The following DYNC1LI2 variants were observed in gnomAD, a reference collection of about 807,000 sequenced individuals.
DYNC1LI2 encodes cytoplasmic dynein 1 light intermediate chain 2.
In DYNC1LI2, 19 loss-of-function variants were observed where a neutral mutation model predicts 57.8. That is an observed-to-expected ratio of 0.33 (90% confidence interval 0.23 to 0.48). The LOEUF is 0.48. Ranked by LOEUF, DYNC1LI2 falls within the 20% of genes least tolerant of loss-of-function variation. The probability of loss-of-function intolerance (pLI) is 0.99; values close to 1 mark genes in which losing one functional copy is unlikely to be tolerated. For missense variants in DYNC1LI2, 470 were observed against 604.2 expected, an observed-to-expected ratio of 0.78 and a Z score of 2.33; for synonymous variants, 256 against 233.4, an observed-to-expected ratio of 1.10 and a Z score of -0.88.
intron 3 of DYNC1LI2, among the ~76,000 whole-genome samples, chr16:66,743,132 A>G (rs1349085672): frequency 1.3e-5 from 2 of 152,152 alleles, no homozygotes; most frequent in East Asian, 3.8e-4. Context: ...AATGCACTCC[A>G]GCCTGGGCAA....
chr16:66,732,503 T>C, intron 6 of DYNC1LI2, 29 bp from the exon 7 acceptor site: 1 of 1,601,384 alleles, frequency 6.2e-7, no homozygotes, highest in Non-Finnish European at 8.5e-7. Context: ...AAAAATCAAT[T>C]CACTGCAGGA....
intron 11 of DYNC1LI2, among the ~76,000 whole-genome samples, chr16:66,727,224 A>G (rs1342201509): frequency 6.6e-6 from 1 of 152,120 alleles, no homozygotes; most frequent in Non-Finnish European, 1.5e-5. Flanking sequence ...GGCCTACAAT[A>G]AAAATTTTAA....
At chr16:66,737,978 T>C (rs371984888) in intron 4 of DYNC1LI2, among the ~76,000 whole-genome samples, 13 of 152,226 alleles carry the variant, frequency 8.5e-5, no homozygotes, top group Middle Eastern at 3.4e-3. Context: ...CAAAGGCCTT[T>C]TACTCTCACC....
At position 66,735,097 on chromosome 16, in the gene DYNC1LI2, TTTG is replaced by T. The variant is rs1467840505; in HGVS notation, c.700-789_700-787del. 8.8e-3 allele frequency among the ~76,000 whole-genome samples: 976 copies of T among 111,114 alleles called. 9 individuals carry two copies. Among genetic ancestry groups the T allele is most frequent in the African/African-American group, 0.033 (849 of 25,674 alleles). The allele number at this position is 111,114 out of a possible 152,430, so 72.9% of individuals were successfully genotyped here. On this transcript the variant is annotated intron_variant, in intron 5 of 12. Transcript: ENST00000258198. ...TCTATTTCTCTATGACTGAACTTTG[TTTG>T]TTTTTTTTTTCTTTTTTTTTTGAGA...
At chr16:66,726,058 T>C (rs1272974862) in intron 11 of DYNC1LI2, 114 bp from the exon 12 acceptor site, 9 of 1,063,924 alleles carry the variant, frequency 8.5e-6, no homozygotes, top group Non-Finnish European at 1.1e-5. Context: ...TCCTAGGATA[T>C]TGATAACATT....
At chr16:66,750,115 GACCTGTCAGCCTGACTTCAGT>G (rs1655259797) in intron 2 of DYNC1LI2, among the ~76,000 whole-genome samples, 2 of 152,170 alleles carry the variant, frequency 1.3e-5, no homozygotes, top group African/African-American at 4.8e-5. Context: ...CCAAGGTGAG[GACCTGTCAGCCTGACTTCAGT>G]ACCTGCTCAT....
intron 4 of DYNC1LI2, chr16:66,738,308 G>A (rs1230045443): frequency 2.9e-5 from 4 of 137,938 alleles, no homozygotes; most frequent in Non-Finnish European, 6.0e-5. Flanking sequence ...GAGTGCAGTG[G>A]CACAATCTCG....
At chr16:66,739,986 G>A (rs1011460597) in intron 4 of DYNC1LI2, among the ~76,000 whole-genome samples, 2 of 152,168 alleles carry the variant, frequency 1.3e-5, no homozygotes, top group African/African-American at 4.8e-5. Flanking sequence ...CATCTTCACT[G>A]CTGCTGCTGC....
intron 2 of DYNC1LI2, among the ~76,000 whole-genome samples, chr16:66,749,640 GGTTA>G (rs1302825536): frequency 6.6e-6 from 1 of 152,064 alleles, no homozygotes; most frequent in Non-Finnish European, 1.5e-5. Flanking sequence ...TAAAAGGTAG[GGTTA>G]GTTTCTCACA....
chr16:66,725,318 A>G (rs1196261416), intron 12 of DYNC1LI2, among the ~76,000 whole-genome samples: 2 of 151,810 alleles, frequency 1.3e-5, no homozygotes, highest in Non-Finnish European at 2.9e-5. Context: ...CATCTCTACT[A>G]AAAATACAAA....
At chr16:66,749,166 C>G in intron 3 of DYNC1LI2, 31 bp downstream of exon 3, 2 of 1,608,756 alleles carry the variant, frequency 1.2e-6, no homozygotes, top group Non-Finnish European at 1.7e-6. Context: ...CTGCATACAC[C>G]CCCTTACCAT....
chr16:66,726,363 G>T (rs953149582), intron 11 of DYNC1LI2, among the ~76,000 whole-genome samples: 2 of 152,194 alleles, frequency 1.3e-5, no homozygotes, highest in African/African-American at 4.8e-5. Context: ...TAAGTTACTG[G>T]GATAAAAGCT....
Position 66,728,943 on chromosome 16 carries a change from T to C in DYNC1LI2, c.1101+97A>G. ...CAACCCCTCTACCACTGCAAGCTCT[T>C]TGTGACTTCCCACATGCAGACACCC... On this transcript the variant is annotated intron_variant, in intron 9 of 12. Coordinates refer to ENST00000258198, the MANE Select transcript of DYNC1LI2 (RefSeq NM_006141.3). 2.4e-6 allele frequency: 3 copies of C among 1,275,394 alleles called. No individual in the cohort carries two copies. The South Asian group carries it at 3.6e-5, about 15-fold the overall frequency. 79.0% of individuals were successfully genotyped at this position (1,275,394 alleles called of 1,614,324 possible). A position where few individuals can be genotyped will look rare whatever the true frequency, so the allele number is the denominator to read the frequency against.
rs760622533 is a variant in DYNC1LI2 at position 66,725,910 on chromosome 16, G to A, written c.1296C>T (p.Phe432=). 1.2e-6 allele frequency: 2 copies of A among 1,614,100 alleles called. No homozygotes were observed. Among genetic ancestry groups the A allele is most frequent in the East Asian group, 2.2e-5 (1 of 44,870 alleles). ...NAASEGVLAS[F]FNSLLSKKTG... ...TCTTTTTACTCAACAGACTGTTGAA[G>A]AAGCTGGCCAACACCCCTTCACTTG... Residue 432 remains phenylalanine (F), a synonymous_variant, in exon 12 of 13, where the codon TTC becomes TTT. Coordinates refer to ENST00000258198, the MANE Select transcript of DYNC1LI2 (RefSeq NM_006141.3).
In DYNC1LI2 at chr16:66,723,317, C is replaced by T; in HGVS notation, c.*405G>A. The T allele has an allele frequency of 2.2e-6, 1 of 458,178 alleles. No homozygotes were observed. Among genetic ancestry groups the T allele is most frequent in the Non-Finnish European group, 4.4e-6 (1 of 227,962 alleles). The allele number at this position is 458,178 out of a possible 1,614,324, so 28.4% of individuals were successfully genotyped here. ...TTTCCTGGACTTTCTGCTACTTAAT[C>T]TGCTTCCCAAGAACAAGTGAATTTA... On this transcript the variant is annotated 3_prime_UTR_variant, in exon 13 of 13. Transcript: ENST00000258198.
In DYNC1LI2 at chr16:66,751,601, T is replaced by C. The variant is rs773141558; in HGVS notation, c.-10A>G. ...CCCCCACCGGCGCCATCTTGCCAAC[T>C]GCAGCCACAAAGAGGGCCCTCCCCC... On this transcript the variant is annotated 5_prime_UTR_variant, in exon 1 of 13. Transcript: ENST00000258198. The surrounding 1 kb of genome is among the most constrained non-coding windows in gnomAD (Gnocchi z 5.2). The C allele has an allele frequency of 7.7e-6, 12 of 1,568,492 alleles. No individual in the cohort carries two copies. In the Middle Eastern group the frequency reaches 1.2e-3, roughly 154 times the overall value.
rs1321404429 is a variant in DYNC1LI2, at chr16:66,721,471, G to A, written c.*2251C>T. 1 of 152,508 alleles carries A rather than the reference G, an allele frequency of 6.6e-6. No individual in the cohort carries two copies. Among genetic ancestry groups the A allele is most frequent in the Non-Finnish European group, 1.5e-5 (1 of 68,020 alleles). 9.4% of individuals were successfully genotyped at this position (152,508 alleles called of 1,614,324 possible). On this transcript the variant is annotated 3_prime_UTR_variant, in exon 13 of 13. Transcript: ENST00000258198. ...AATTTTACTTTAAAAACTAAAGGCTGTTTATTATTTGGCCTTTGGTTCCAA... is the reference window on the plus strand; with the variant it reads ...AATTTTACTTTAAAAACTAAAGGCTATTTATTATTTGGCCTTTGGTTCCAA...
intron 12 of DYNC1LI2, among the ~76,000 whole-genome samples, chr16:66,724,967 T>A (rs1408468937): frequency 6.6e-6 from 1 of 151,216 alleles, no homozygotes; most frequent in Non-Finnish European, 1.5e-5. Context: ...AGGTCAGGAG[T>A]TCGAGAACAG....
intron 3 of DYNC1LI2, among the ~76,000 whole-genome samples, chr16:66,743,548 G>A (rs1398043484): frequency 9.1e-6 from 1 of 109,526 alleles, no homozygotes; most frequent in Admixed American, 1.1e-4. Flanking sequence ...ATGACAGAGT[G>A]AGACTCCATC....
Sources: allele counts gnomAD v4.1 joint callset (sites outside exome capture counted in the v4.1 genomes callset), GRCh38; gene constraint gnomAD v4.1.1; non-coding constraint Gnocchi (gnomAD v3.1); transcripts MANE v1.5; gene names NCBI Gene and HGNC (gene_info 2026-07-23, HGNC 2026-07-21).